HDAC9: variants seen among roughly 807,000 people sequenced by gnomAD.
HDAC9 encodes MEF-2 interacting transcription repressor (MITR) protein.
HDAC9 carries 41 observed loss-of-function variants against 139.4 expected under a neutral mutation model. The observed-to-expected ratio is 0.29, with a 90% CI of 0.23 to 0.38. The LOEUF (loss-of-function observed/expected upper bound fraction) is 0.38, where lower values mean the gene tolerates loss of function less well. HDAC9 is among the 10% of genes least tolerant of loss of function. The pLI is 1.00. For missense variants in HDAC9, 1,147 were observed against 1,297.0 expected, an observed-to-expected ratio of 0.88 and a Z score of 1.78; for synonymous variants, 517 against 476.2, an observed-to-expected ratio of 1.09 and a Z score of -1.12.
intron 22 of HDAC9, among the ~76,000 whole-genome samples, chr7:18,907,436 A>T (rs947364354): frequency 1.3e-5 from 2 of 152,240 alleles, no homozygotes; most frequent in African/African-American, 4.8e-5. Context: ...GGGGCACATT[A>T]TAAGATGCTA....
intron 24 of HDAC9, among the ~76,000 whole-genome samples, chr7:18,971,220 G>A (rs1784225132): frequency 6.6e-6 from 1 of 152,142 alleles, no homozygotes; most frequent in Admixed American, 6.5e-5. Context: ...GGTGAAGGCT[G>A]GATAGTCCTT....
At chr7:18,956,019 C>T (rs1783119777) in intron 24 of HDAC9, among the ~76,000 whole-genome samples, 1 of 152,018 alleles carries the variant, frequency 6.6e-6, no homozygotes, top group Non-Finnish European at 1.5e-5. Flanking sequence ...ATAGTTTTTT[C>T]CTTTCACTAC....
intron 22 of HDAC9, among the ~76,000 whole-genome samples, chr7:18,901,207 C>CAT (rs3085465): frequency 3.1e-3 from 432 of 138,850 alleles, no homozygotes; most frequent in Middle Eastern, 0.011. Flanking sequence ...ACTATATATA[C>CAT]ATATATATAT....
At chr7:18,980,681 T>TC (rs1784850869) in intron 25 of HDAC9, among the ~76,000 whole-genome samples, 1 of 137,314 alleles carries the variant, frequency 7.3e-6, no homozygotes, top group African/African-American at 2.7e-5. Context: ...TTGTTCTTGT[T>TC]CTTCTTGTTC....
At chr7:18,557,951 A>T (rs1563271066) in intron 2 of HDAC9, among the ~76,000 whole-genome samples, 3 of 152,032 alleles carry the variant, frequency 2.0e-5, no homozygotes, top group African/African-American at 7.2e-5. Flanking sequence ...ACAATATAGG[A>T]AACCTAGAAT....
chr7:18,829,483 G>C lies in HDAC9; in HGVS notation c.2401G>C (p.Val801Leu). ...CAGGGGGTTCTGCTTTTTTAATTCA[G>C]TTGCAATTACCGCCAAATACTTGAG... ...TAMGFCFFNS[V>L]AITAKYLRDQ... is the part of the protein sequence containing the mutation. Residue 801 changes from valine (V) to leucine (L), a missense_variant, in exon 19 of 26, where the codon GTT becomes CTT. This residue lies in a region of HDAC9 where 407 missense variants were observed against 521.5 expected (regional missense o/e 0.78). Coordinates refer to ENST00000686413, the MANE Select transcript of HDAC9 (RefSeq NM_178425.4). 1.9e-6 allele frequency: 3 copies of C among 1,611,958 alleles called. No individual in the cohort carries two copies. The highest frequency in any genetic ancestry group is 2.5e-6 in the Non-Finnish European group (3 of 1,178,322).
chr7:18,524,259 CT>C (rs1419591389), intron 2 of HDAC9, among the ~76,000 whole-genome samples: 4 of 152,116 alleles, frequency 2.6e-5, no homozygotes, highest in African/African-American at 9.7e-5. Context: ...AAGTTAACAA[CT>C]TTGTATATTA....
At chr7:18,501,918 G>A (rs1798486484) in intron 2 of HDAC9, among the ~76,000 whole-genome samples, 1 of 152,186 alleles carries the variant, frequency 6.6e-6, no homozygotes, top group African/African-American at 2.4e-5. Context: ...CAAAATGACA[G>A]ACAAGTAGGA....
intron 21 of HDAC9, among the ~76,000 whole-genome samples, chr7:18,860,826 A>G (rs1798048736): frequency 1.3e-5 from 2 of 152,160 alleles, no homozygotes; most frequent in African/African-American, 4.8e-5. Flanking sequence ...AATCACAGGC[A>G]ATTTTGAAGG....
intron 12 of HDAC9, among the ~76,000 whole-genome samples, chr7:18,706,160 C>CTTTTTTTTTTTTTTTTTTT (rs1165670432): frequency 1.2e-5 from 1 of 86,760 alleles, no homozygotes. Context: ...GAAAGTTTTC[C>CTTTTTTTTTTTTTTTTTTT]TTTTTTTTTT....
intron 12 of HDAC9, among the ~76,000 whole-genome samples, chr7:18,681,057 T>A (rs943742662): frequency 6.6e-6 from 1 of 152,054 alleles, no homozygotes; most frequent in African/African-American, 2.4e-5. Context: ...GTTTTAGTTT[T>A]CTACTATTTT....
chr7:18,943,373 A>G (rs562506282), intron 23 of HDAC9, among the ~76,000 whole-genome samples: 1 of 152,172 alleles, frequency 6.6e-6, no homozygotes, highest in African/African-American at 2.4e-5. Context: ...GAATCATCCA[A>G]CAAATTGTAT....
intron 2 of HDAC9, among the ~76,000 whole-genome samples, chr7:18,185,985 C>G (rs1376675816): frequency 6.6e-6 from 1 of 152,130 alleles, no homozygotes; most frequent in African/African-American, 2.4e-5. Flanking sequence ...ATTGAGTGTT[C>G]ATTGTATTTC....
At chr7:18,178,148 AT>A (rs780497883) in intron 2 of HDAC9, among the ~76,000 whole-genome samples, 1 of 151,658 alleles carries the variant, frequency 6.6e-6, no homozygotes, top group South Asian at 2.1e-4. Context: ...CAGTGGCACA[AT>A]CTTGGCTTAC....
At chr7:18,709,084 C>A (rs201964348) in intron 12 of HDAC9, among the ~76,000 whole-genome samples, 1 of 145,748 alleles carries the variant, frequency 6.9e-6, no homozygotes, top group Non-Finnish European at 1.5e-5. Flanking sequence ...TTTTTTTTTT[C>A]TTTTTTTCTT....
intron 16 of HDAC9, among the ~76,000 whole-genome samples, chr7:18,787,350 C>A (rs547590362): frequency 1.3e-5 from 2 of 152,236 alleles, no homozygotes; most frequent in East Asian, 3.9e-4. Context: ...CTTCTCAACC[C>A]CAGTTTTGGA....
At chr7:18,732,944 C>CACGTGTATGTGTGTGTATGTGTATAT (rs1786425428) in intron 13 of HDAC9, among the ~76,000 whole-genome samples, 1 of 74,312 alleles carries the variant, frequency 1.3e-5, no homozygotes, top group African/African-American at 7.5e-5. Context: ...TATGTGTATA[C>CACGTGTATGTGTGTGTATGTGTATAT]ACACGTGTAT....
chr7:18,673,776 C>CCAG (rs1030781338), intron 12 of HDAC9, among the ~76,000 whole-genome samples: 5 of 151,966 alleles, frequency 3.3e-5, no homozygotes, highest in Admixed American at 3.3e-4. Context: ...TTTGCTCTTG[C>CCAG]CAGTATCTTT....
chr7:18,123,429 C>A (rs1050024115), intron 1 of HDAC9, among the ~76,000 whole-genome samples: 2 of 152,142 alleles, frequency 1.3e-5, no homozygotes, highest in Non-Finnish European at 2.9e-5. Flanking sequence ...TCCATAGAAA[C>A]AATGTTAGGT....
Sources: allele counts gnomAD v4.1 joint callset (sites outside exome capture counted in the v4.1 genomes callset), GRCh38; gene constraint gnomAD v4.1.1; regional missense constraint gnomAD v4.1.1; transcripts MANE v1.5; gene names NCBI Gene and HGNC (gene_info 2026-07-23, HGNC 2026-07-21).